Variants in UTRN observed in about 807,000 individuals in gnomAD.
UTRN encodes the protein dystrophin-related protein 1.
UTRN carries 283 observed loss-of-function variants against 463.9 expected under a neutral mutation model. The ratio of observed to expected loss-of-function variants is 0.61; its 90% confidence interval spans 0.55 to 0.67. UTRN has a LOEUF of 0.67. UTRN is among the 30% of genes least tolerant of loss of function. UTRN has a pLI of 0.00. For missense variants in UTRN, 3,922 were observed against 4,084.3 expected (o/e 0.96, Z 1.08); for synonymous variants, 1,442 against 1,431.5 (o/e 1.01, Z -0.17).
chr6:144,699,263 T>A (rs1784320812), intron 52 of UTRN, among the ~76,000 whole-genome samples: 2 of 151,778 alleles, frequency 1.3e-5, no homozygotes, highest in Non-Finnish European at 2.9e-5. Context: ...CATGGTGAAA[T>A]CCCGTCTCTA....
chr6:144,453,315 G>A (rs1364113237), intron 18 of UTRN, among the ~76,000 whole-genome samples: 1 of 152,058 alleles, frequency 6.6e-6, no homozygotes, highest in African/African-American at 2.4e-5. Flanking sequence ...TAGAGTTGGG[G>A]TTTCACCATG....
chr6:144,844,851 G>T (rs1429793096), intron 73 of UTRN, among the ~76,000 whole-genome samples: 1 of 152,094 alleles, frequency 6.6e-6, no homozygotes, highest in East Asian at 1.9e-4. Context: ...AATGCTTGTC[G>T]CCAGCATACA....
At chr6:144,533,887 T>G (rs1309991580) in intron 43 of UTRN, among the ~76,000 whole-genome samples, 4 of 152,156 alleles carry the variant, frequency 2.6e-5, no homozygotes. Flanking sequence ...CATTATTTTC[T>G]GAGACAGTCA....
chr6:144,830,591 T>TC (rs1343826415), intron 69 of UTRN, among the ~76,000 whole-genome samples: 1 of 152,240 alleles, frequency 6.6e-6, no homozygotes, highest in Non-Finnish European at 1.5e-5. Context: ...GGATTATTTA[T>TC]TATAAACTTG....
chr6:144,460,892 T>G (rs1258303267), intron 21 of UTRN, among the ~76,000 whole-genome samples: 1 of 152,208 alleles, frequency 6.6e-6, no homozygotes, highest in South Asian at 2.1e-4. Flanking sequence ...GAAGAGGAGA[T>G]TATATGGAAC....
chr6:144,757,598 CA>C (rs1193692104), intron 57 of UTRN, among the ~76,000 whole-genome samples: 2 of 151,952 alleles, frequency 1.3e-5, no homozygotes, highest in African/African-American at 4.8e-5. Context: ...TTAGCTTTAT[CA>C]AAAATATATA....
At chr6:144,828,727 T>G (rs1780406905) in intron 68 of UTRN, 63 bp from the exon 69 acceptor site, 1 of 1,449,428 alleles carries the variant, frequency 6.9e-7, no homozygotes, top group Admixed American at 1.7e-5. Flanking sequence ...ATTAAGGATG[T>G]ACGTCCAATT....
Position 144,435,955 on chromosome 6 carries a change from G to A in UTRN, c.876G>A (p.Glu292=). Residue 292 remains glutamate, a synonymous_variant, in exon 10 of 75, where the codon GAG becomes GAA. Coordinates refer to ENST00000367545, the MANE Select transcript of UTRN (RefSeq NM_007124.3). Reference sequence around the variant, plus strand: ...TACAGAGTACAGCGCCTGAGGAGGAGCATGAGAGTCCCCGAGCTGAAACTC... The same window carrying A: ...TACAGAGTACAGCGCCTGAGGAGGAACATGAGAGTCCCCGAGCTGAAACTC... ...INIQSTAPEE[E]HESPRAETPS... 1 of 1,614,050 alleles carries A rather than the reference G, an allele frequency of 6.2e-7. No homozygotes were observed. The highest frequency in any genetic ancestry group is 8.5e-7 in the Non-Finnish European group (1 of 1,180,036).
chr6:144,454,328 GT>G (rs1357686491), intron 19 of UTRN, among the ~76,000 whole-genome samples: 1 of 151,812 alleles, frequency 6.6e-6, no homozygotes, highest in Non-Finnish European at 1.5e-5. Context: ...TTATAGTTAA[GT>G]TTGATAAGGT....
At chr6:144,765,337 A>G (rs1793182048) in intron 58 of UTRN, among the ~76,000 whole-genome samples, 1 of 152,164 alleles carries the variant, frequency 6.6e-6, no homozygotes, top group African/African-American at 2.4e-5. Context: ...TTTGGGGTGT[A>G]TGGTATGGTA....
intron 51 of UTRN, 45 bp downstream of exon 51, chr6:144,577,333 T>A: frequency 6.3e-7 from 1 of 1,590,338 alleles, no homozygotes; most frequent in African/African-American, 1.3e-5. Context: ...TTGCCCTGTG[T>A]GCTTTTGATC....
At chr6:144,418,111 A>G (rs1251422722) in intron 3 of UTRN, among the ~76,000 whole-genome samples, 1 of 152,170 alleles carries the variant, frequency 6.6e-6, no homozygotes, top group African/African-American at 2.4e-5. Context: ...CAGAAAGGCC[A>G]AGTAACTTGC....
chr6:144,567,954 T>C (rs1800566174), intron 50 of UTRN, among the ~76,000 whole-genome samples: 1 of 152,170 alleles, frequency 6.6e-6, no homozygotes, highest in African/African-American at 2.4e-5. Context: ...TCAAGTATTA[T>C]TTAACATCTT....
At chr6:144,355,424 C>G (rs1013898323) in intron 2 of UTRN, among the ~76,000 whole-genome samples, 3 of 152,094 alleles carry the variant, frequency 2.0e-5, no homozygotes, top group Non-Finnish European at 4.4e-5. Flanking sequence ...GTCTTGAACT[C>G]CTGGGCTCAA....
intron 51 of UTRN, among the ~76,000 whole-genome samples, chr6:144,672,024 G>T (rs1781090913): frequency 6.6e-6 from 1 of 152,066 alleles, no homozygotes; most frequent in Admixed American, 6.6e-5. Context: ...GATCATGATG[G>T]ATAATCTTTT....
intron 51 of UTRN, among the ~76,000 whole-genome samples, chr6:144,615,149 A>C (rs6904051): frequency 6.6e-6 from 1 of 152,238 alleles, no homozygotes; most frequent in South Asian, 2.1e-4. Context: ...AAATACTTAC[A>C]TTGAAAGAAT....
intron 56 of UTRN, among the ~76,000 whole-genome samples, chr6:144,752,868 C>T (rs1408858225): frequency 6.6e-6 from 1 of 152,092 alleles, no homozygotes; most frequent in Non-Finnish European, 1.5e-5. Context: ...ATATGTTATA[C>T]TTGAAAGAAG....
intron 74 of UTRN, among the ~76,000 whole-genome samples, chr6:144,849,005 A>G (rs1782259230): frequency 6.6e-6 from 1 of 151,888 alleles, no homozygotes; most frequent in African/African-American, 2.4e-5. Flanking sequence ...GGAATGGGGG[A>G]GAATGGGGAG....
intron 65 of UTRN, among the ~76,000 whole-genome samples, chr6:144,803,670 A>G (rs1460446705): frequency 1.3e-5 from 2 of 152,016 alleles, no homozygotes; most frequent in African/African-American, 4.8e-5. Flanking sequence ...TTTTAGTCAC[A>G]AAATTTTTAA....
Sources: allele counts gnomAD v4.1 joint callset (sites outside exome capture counted in the v4.1 genomes callset), GRCh38; gene constraint gnomAD v4.1.1; transcripts MANE v1.5; gene names NCBI Gene and HGNC (gene_info 2026-07-23, HGNC 2026-07-21).